Variants in RASA3 observed in about 807,000 individuals in gnomAD.
The protein encoded by RASA3 is ras GTPase-activating protein 3.
In RASA3, 73 loss-of-function variants were observed where a neutral mutation model predicts 110.0. The observed-to-expected ratio is 0.66, with a 90% CI of 0.55 to 0.81. The LOEUF is 0.81. RASA3 is among the 30% of genes least tolerant of loss of function. RASA3 has a pLI of 0.00. For synonymous variants in RASA3, 500 were observed against 451.4 expected (o/e 1.11, Z -1.37); for missense variants, 976 against 1,113.2 (o/e 0.88, Z 1.75).
chr13:114,017,360 T>C lies in RASA3; in HGVS notation c.1092-9A>G. The C allele has an allele frequency of 1.9e-6, 3 of 1,609,084 alleles. No individual in the cohort carries two copies. The highest frequency in any genetic ancestry group is 2.6e-6 in the Non-Finnish European group (3 of 1,175,962). ...AGATGGTGTTGGGGTCCCTGGGAAA[T>C]GGCGATGGGGACAGCGTTTGTCTCC... On this transcript the variant is annotated splice_polypyrimidine_tract_variant and intron_variant, in intron 11 of 23. Coordinates refer to ENST00000334062, the MANE Select transcript of RASA3 (RefSeq NM_007368.4).
intron 23 of RASA3, among the ~76,000 whole-genome samples, chr13:113,980,783 G>A (rs2052915983): frequency 6.6e-6 from 1 of 152,204 alleles, no homozygotes; most frequent in Admixed American, 6.5e-5. Flanking sequence ...CACTCTCCTG[G>A]AGCCTCACCA....
At chr13:114,103,608 G>A (rs372307470) in intron 1 of RASA3, among the ~76,000 whole-genome samples, 3 of 992 alleles carry the variant, frequency 3.0e-3, no homozygotes, top group Non-Finnish European at 5.4e-3. Context: ...CCCCCGATGC[G>A]TCCACACTGC....
intron 13 of RASA3, among the ~76,000 whole-genome samples, chr13:114,015,689 G>T (rs1006215246): frequency 6.6e-6 from 1 of 152,248 alleles, no homozygotes; most frequent in Non-Finnish European, 1.5e-5. Context: ...CATGTGAAGT[G>T]ACTAAAATGT....
chr13:114,030,459 C>CGGGGGCTTCT, intron 4 of RASA3, among the ~76,000 whole-genome samples: 6 of 114,176 alleles, frequency 5.3e-5, no homozygotes, highest in African/African-American at 6.2e-5. Context: ...GCAAGGCTCA[C>CGGGGGCTTCT]ACAGAGGGCA....
chr13:114,078,173 C>T (rs903754838), intron 1 of RASA3, among the ~76,000 whole-genome samples: 2 of 152,192 alleles, frequency 1.3e-5, no homozygotes, highest in East Asian at 3.9e-4. Flanking sequence ...GCACCAGGAC[C>T]GAGCCTCTCC....
At chr13:114,100,078 G>A (rs1050475918) in intron 1 of RASA3, among the ~76,000 whole-genome samples, 17 of 150,772 alleles carry the variant, frequency 1.1e-4, no homozygotes, top group African/African-American at 2.9e-4. Context: ...CTGGAAGAGC[G>A]GCAGGCCAGG....
At chr13:114,073,216 G>A (rs529023688) in intron 2 of RASA3, among the ~76,000 whole-genome samples, 3 of 150,816 alleles carry the variant, frequency 2.0e-5, no homozygotes, top group Non-Finnish European at 3.0e-5. Flanking sequence ...GTACACGCTC[G>A]GGACATTGTC....
chr13:114,105,634 C>A (rs1317112701), intron 1 of RASA3, among the ~76,000 whole-genome samples: 1 of 152,230 alleles, frequency 6.6e-6, no homozygotes, highest in Non-Finnish European at 1.5e-5. Flanking sequence ...CTCCGCCTCG[C>A]TTCACCCAGC....
chr13:113,982,212 C>A (rs1038419041), intron 22 of RASA3, among the ~76,000 whole-genome samples: 1 of 152,220 alleles, frequency 6.6e-6, no homozygotes, highest in Admixed American at 6.5e-5. Context: ...CCAGCCAGAA[C>A]CAGGAGGAGA....
Position 114,048,924 on chromosome 13 carries a change from C to T in RASA3, c.277+3128G>A, listed in dbSNP as rs1271184648. The stretch of plus-strand genomic sequence containing the variant: ...CCTTTATTTCCCCAAGTCTCACTTG[C>T]CGGGGCGCCGTATCCCGGCACGGCT... On this transcript the variant is annotated intron_variant, in intron 3 of 23. Coordinates refer to ENST00000334062, the MANE Select transcript of RASA3 (RefSeq NM_007368.4). This position sits in a 1 kb window ranked among gnomAD's most constrained non-coding sequence, Gnocchi z 4.3. 6.6e-6 allele frequency among the ~76,000 whole-genome samples: 1 copy of T among 152,074 alleles called. No individual in the cohort carries two copies. The highest frequency in any genetic ancestry group is 1.5e-5 in the Non-Finnish European group (1 of 67,990).
At chr13:113,979,975 ACCT>A (rs1366861320) in intron 23 of RASA3, among the ~76,000 whole-genome samples, 14 of 116,890 alleles carry the variant, frequency 1.2e-4, no homozygotes, top group Middle Eastern at 7.0e-3. Context: ...TTCCACGTGT[ACCT>A]CCTCCCATGT....
intron 22 of RASA3, among the ~76,000 whole-genome samples, 169 bp from the exon 23 acceptor site, chr13:113,982,027 C>T (rs1428503658): frequency 1.3e-5 from 2 of 152,236 alleles, no homozygotes; most frequent in East Asian, 1.9e-4. Flanking sequence ...AGAAACCATT[C>T]CCGCAGGTAG....
rs568817596 is a variant in RASA3 at position 114,032,070 on chromosome 13, A to G, written c.373-2183T>C. Among the ~76,000 whole-genome samples, 12 of 152,352 alleles carry G rather than the reference A, an allele frequency of 7.9e-5. No individual in the cohort carries two copies. In the South Asian group the frequency reaches 2.5e-3, roughly 32 times the overall value. On this transcript the variant is annotated intron_variant, in intron 4 of 23. Coordinates refer to ENST00000334062, the MANE Select transcript of RASA3 (RefSeq NM_007368.4). ...CAAAATAAATAATAAAATAATAGCC[A>G]AAAAATTAGTCAGGAGATATTTATT... is the stretch of plus-strand genomic sequence containing the variant.
At chr13:114,101,347 G>GCCCCAGCAC (rs1177852375) in intron 1 of RASA3, among the ~76,000 whole-genome samples, 1 of 152,186 alleles carries the variant, frequency 6.6e-6, no homozygotes, top group Non-Finnish European at 1.5e-5. Flanking sequence ...GTAGGCAGTG[G>GCCCCAGCAC]CCCCAGCACC....
rs377546190 is a variant in RASA3 at position 114,024,413 on chromosome 13, T to C, written c.604-58A>G. 47 of 1,523,378 alleles carry C rather than the reference T, an allele frequency of 3.1e-5. No homozygotes were observed. The African/African-American group carries it at 5.9e-4, about 19-fold the overall frequency. The allele number at this position is 1,523,378 out of a possible 1,614,324, so 94.4% of individuals were successfully genotyped here. A position where few individuals can be genotyped will look rare whatever the true frequency, so the allele number is the denominator to read the frequency against. On this transcript the variant is annotated intron_variant, in intron 7 of 23. Transcript: ENST00000334062. ...CGCGGTGCCACCAGGCGGGGGTATA[T>C]GCGGACCTAGGCCCCGGGCTGCCCT...
At chr13:114,130,404 C>G (rs1053137983) in intron 1 of RASA3, among the ~76,000 whole-genome samples, 1 of 152,214 alleles carries the variant, frequency 6.6e-6, no homozygotes, top group East Asian at 1.9e-4. Flanking sequence ...CCAGGCCCCA[C>G]GTGGGATTAG....
chr13:114,056,506 C>A lies in RASA3; in HGVS notation c.174-4351G>T, dbSNP rs1003054245. On this transcript the variant is annotated intron_variant, in intron 2 of 23. Coordinates refer to ENST00000334062, the MANE Select transcript of RASA3 (RefSeq NM_007368.4). The surrounding 1 kb of genome is among the most constrained non-coding windows in gnomAD (Gnocchi z 5.7). ...GAGTGCGGCGTCCCTGGGCGCTGCC[C>A]GGTAGCGGGGTGTTCAGTTGCTCTG... 4 of 985,048 alleles carry A rather than the reference C, an allele frequency of 4.1e-6. No individual in the cohort carries two copies. The highest frequency in any genetic ancestry group is 6.2e-5 in the Admixed American group (1 of 16,234). 61.0% of individuals were successfully genotyped at this position (985,048 alleles called of 1,614,324 possible). A position where few individuals can be genotyped will look rare whatever the true frequency, so the allele number is the denominator to read the frequency against.
At chr13:113,995,991 C>T (rs180803473) in intron 21 of RASA3, among the ~76,000 whole-genome samples, 3 of 86,600 alleles carry the variant, frequency 3.5e-5, no homozygotes, top group African/African-American at 4.9e-5. Context: ...TGGGGAGGCC[C>T]GGCTGATGGG....
At chr13:114,039,669 C>A (rs1026736189) in intron 4 of RASA3, among the ~76,000 whole-genome samples, 4 of 146,120 alleles carry the variant, frequency 2.7e-5, no homozygotes, top group Non-Finnish European at 5.9e-5. Flanking sequence ...GGCTTGGGCT[C>A]CGGTGGACTG....
Sources: gnomAD v4.1 joint callset for allele counts (sites outside exome capture counted in the v4.1 genomes callset) on GRCh38, gnomAD v4.1.1 for gene constraint, Gnocchi (gnomAD v3.1) non-coding constraint, MANE v1.5 for transcripts, NCBI Gene and HGNC (gene_info 2026-07-23, HGNC 2026-07-21) for gene names.